Variants in CEP63 observed in about 807,000 individuals in gnomAD.
The protein encoded by CEP63 is centrosomal protein 63.
Under a neutral mutation model 89.1 loss-of-function variants are expected in CEP63, and 84 were observed. The ratio of observed to expected loss-of-function variants is 0.94; its 90% CI spans 0.79 to 1.13. The LOEUF is 1.13. Ranked by LOEUF, CEP63 falls within the 50% of genes most tolerant of loss-of-function variation. CEP63 has a pLI of 0.00. For missense variants in CEP63, 838 were observed against 813.3 expected (o/e 1.03, Z -0.37); for synonymous variants, 267 against 272.5 (o/e 0.98, Z 0.20).
At chr3:134,761,643 C>G in the CEP63 span, among the ~76,000 whole-genome samples, 16 of 152,306 alleles carry the variant, frequency 1.1e-4, no homozygotes, top group Admixed American at 3.3e-4. Context: ...TGGGATGGCT[C>G]TATGACAGCT....
chr3:134,612,714 T>G, the CEP63 span, among the ~76,000 whole-genome samples: 1 of 151,622 alleles, frequency 6.6e-6, no homozygotes, highest in Non-Finnish European at 1.5e-5. Flanking sequence ...GACAACAGCA[T>G]GTCAATCTCT....
chr3:134,671,733 T>C, the CEP63 span, among the ~76,000 whole-genome samples: 1 of 152,158 alleles, frequency 6.6e-6, no homozygotes, highest in Non-Finnish European at 1.5e-5. Context: ...AACAAATGCT[T>C]TCTACACAGG....
the CEP63 span, among the ~76,000 whole-genome samples, chr3:134,750,763 C>T: frequency 3.9e-5 from 6 of 152,318 alleles, no homozygotes; most frequent in South Asian, 1.0e-3. Context: ...AAGTGCTGGG[C>T]ATTTCTGGGC....
chr3:134,625,614 A>G, the CEP63 span, among the ~76,000 whole-genome samples: 2 of 152,224 alleles, frequency 1.3e-5, no homozygotes, highest in Admixed American at 1.3e-4. Context: ...TGGAGGTGCC[A>G]AAGGACACCT....
At chr3:134,781,144 A>G in the CEP63 span, among the ~76,000 whole-genome samples, 1 of 152,234 alleles carries the variant, frequency 6.6e-6, no homozygotes, top group Non-Finnish European at 1.5e-5. Context: ...TTGATAGCTG[A>G]TAAGGCAAAG....
chr3:134,681,042 G>A, the CEP63 span, among the ~76,000 whole-genome samples: 8 of 152,322 alleles, frequency 5.3e-5, no homozygotes, highest in East Asian at 1.5e-3. Flanking sequence ...CCCCAGGCAG[G>A]CCTCGGAGCA....
At chr3:134,778,798 G>T in the CEP63 span, among the ~76,000 whole-genome samples, 5 of 152,156 alleles carry the variant, frequency 3.3e-5, no homozygotes, top group Admixed American at 3.3e-4. Flanking sequence ...CTAACCTCGT[G>T]ATTCGCCTGC....
At chr3:134,533,475 G>T (rs550457734) in intron 5 of CEP63, among the ~76,000 whole-genome samples, 1 of 152,286 alleles carries the variant, frequency 6.6e-6, no homozygotes, top group South Asian at 2.1e-4. Context: ...ATGTAGTAAG[G>T]CATTCACTTC....
the CEP63 span, among the ~76,000 whole-genome samples, chr3:134,634,420 ATAAT>A: frequency 1.3e-5 from 2 of 152,258 alleles, no homozygotes; most frequent in African/African-American, 4.8e-5. Context: ...AATAAACAGA[ATAAT>A]AAAAAATAGA....
At chr3:134,687,784 T>TGGA in the CEP63 span, among the ~76,000 whole-genome samples, 2 of 152,200 alleles carry the variant, frequency 1.3e-5, no homozygotes, top group Non-Finnish European at 2.9e-5. Flanking sequence ...TGTGGCAGGA[T>TGGA]GGAGGCAGCC....
At chr3:134,507,356 G>A (rs949631004) in intron 3 of CEP63, 70 bp downstream of exon 3, 87 of 1,210,376 alleles carry the variant, frequency 7.2e-5, no homozygotes, top group Non-Finnish European at 9.8e-5. Flanking sequence ...TGTTTCTTAA[G>A]TATTTGTTGA....
At chr3:134,773,183 C>A in the CEP63 span, among the ~76,000 whole-genome samples, 1 of 152,310 alleles carries the variant, frequency 6.6e-6, no homozygotes, top group African/African-American at 2.4e-5. Context: ...TCTCCTCCCC[C>A]ATCCAAGGCT....
intron 9 of CEP63, 109 bp downstream of exon 9, chr3:134,547,581 TC>T: frequency 1.4e-6 from 1 of 727,660 alleles, no homozygotes; most frequent in Non-Finnish European, 2.2e-6. Flanking sequence ...AAGATTTTTT[TC>T]TAGTATCCAC....
At chr3:134,530,517 T>G (rs1407274256) in intron 3 of CEP63, among the ~76,000 whole-genome samples, 1 of 152,216 alleles carries the variant, frequency 6.6e-6, no homozygotes, top group African/African-American at 2.4e-5. Context: ...GATTTTTTTG[T>G]AAATATTTTT....
At chr3:134,493,309 T>C (rs981310229) in intron 1 of CEP63, among the ~76,000 whole-genome samples, 3 of 151,694 alleles carry the variant, frequency 2.0e-5, no homozygotes, top group African/African-American at 7.3e-5. Context: ...AGTCCGAGAA[T>C]ATAAAGCTAG....
chr3:134,557,268 A>G (rs1956356723), intron 12 of CEP63, among the ~76,000 whole-genome samples: 1 of 151,574 alleles, frequency 6.6e-6, no homozygotes, highest in Admixed American at 6.6e-5. Context: ...TGTAGCTCAT[A>G]GTCACTACTT....
chr3:134,677,380 CTCT>C, the CEP63 span, among the ~76,000 whole-genome samples: 6 of 152,208 alleles, frequency 3.9e-5, no homozygotes, highest in South Asian at 2.1e-4. Context: ...CCTCTGAACC[CTCT>C]TCTTCTGGGT....
At chr3:134,703,395 A>C in the CEP63 span, among the ~76,000 whole-genome samples, 1 of 152,062 alleles carries the variant, frequency 6.6e-6, no homozygotes, top group African/African-American at 2.4e-5. Context: ...TCAATGATAG[A>C]CTGGATAAGG....
At chr3:134,680,117 T>G in the CEP63 span, among the ~76,000 whole-genome samples, 7 of 152,164 alleles carry the variant, frequency 4.6e-5, no homozygotes, top group Non-Finnish European at 1.5e-5. Flanking sequence ...AAGACAGCCA[T>G]GTGCAAGCCA....
Sources: gnomAD v4.1 joint callset for allele counts (sites outside exome capture counted in the v4.1 genomes callset) on GRCh38, gnomAD v4.1.1 for gene constraint, MANE v1.5 for transcripts, NCBI Gene and HGNC (gene_info 2026-07-23, HGNC 2026-07-21) for gene names.